Variants in FSTL4 observed in about 807,000 individuals in gnomAD.
The protein encoded by FSTL4 is follistatin like 4.
A neutral mutation model predicts 78.2 loss-of-function variants in FSTL4; 28 were observed. The observed-to-expected ratio is 0.36, with a 90% CI of 0.27 to 0.49. FSTL4 has a LOEUF of 0.49. Ranked by LOEUF, FSTL4 falls within the 20% of genes least tolerant of loss-of-function variation. The pLI is 0.98. For missense variants in FSTL4, 922 were observed against 1,084.9 expected (o/e 0.85, Z 2.11); for synonymous variants, 422 against 440.5 (o/e 0.96, Z 0.53).
At chr5:133,687,308 C>T in the FSTL4 span, among the ~76,000 whole-genome samples, 2 of 152,166 alleles carry the variant, frequency 1.3e-5, no homozygotes, top group Non-Finnish European at 2.9e-5. Flanking sequence ...GTGAGCCCAG[C>T]GGCAGGGAGG....
intron 3 of FSTL4, among the ~76,000 whole-genome samples, chr5:133,490,824 G>T (rs530625603): frequency 1.3e-5 from 2 of 152,330 alleles, no homozygotes; most frequent in South Asian, 4.1e-4. Context: ...CAAAGAATGT[G>T]TATTAGGTGT....
the FSTL4 span, among the ~76,000 whole-genome samples, chr5:133,747,669 A>C: frequency 2.0e-5 from 3 of 152,358 alleles, no homozygotes; most frequent in South Asian, 2.1e-4. Flanking sequence ...CAGCGATTAG[A>C]GAATGAATCT....
intron 6 of FSTL4, among the ~76,000 whole-genome samples, chr5:133,312,141 C>T (rs1269585981): frequency 6.6e-6 from 1 of 152,158 alleles, no homozygotes; most frequent in Non-Finnish European, 1.5e-5. Flanking sequence ...TCAAACAGCA[C>T]CCACTTTCCC....
the FSTL4 span, among the ~76,000 whole-genome samples, chr5:133,741,481 T>C: frequency 6.6e-6 from 1 of 152,168 alleles, no homozygotes; most frequent in Non-Finnish European, 1.5e-5. Flanking sequence ...GTGGGAAAAC[T>C]TTCTCGGCAG....
intron 11 of FSTL4, 146 bp from the exon 12 acceptor site, chr5:133,221,012 A>C: frequency 1.4e-6 from 1 of 731,002 alleles, no homozygotes; most frequent in South Asian, 1.4e-5. Flanking sequence ...GGTGGGGTAG[A>C]ATGAGCAGCC....
chr5:133,360,473 ATTTTTTTTTT>A (rs57176651), intron 4 of FSTL4, among the ~76,000 whole-genome samples: 3 of 130,992 alleles, frequency 2.3e-5, no homozygotes, highest in East Asian at 4.3e-4. Context: ...TCAGGCAATA[ATTTTTTTTTT>A]TTTTTTTTTT....
intron 6 of FSTL4, among the ~76,000 whole-genome samples, chr5:133,305,391 T>C (rs1454316181): frequency 6.6e-6 from 1 of 152,182 alleles, no homozygotes; most frequent in African/African-American, 2.4e-5. Flanking sequence ...TATTGCCTCC[T>C]CCCTCAGTCA....
At chr5:133,247,900 C>T (rs1752090753) in intron 7 of FSTL4, 2 of 150,652 alleles carry the variant, frequency 1.3e-5, no homozygotes. Flanking sequence ...CCCCATGACC[C>T]CCAGGGTGTA....
the FSTL4 span, among the ~76,000 whole-genome samples, chr5:133,696,725 G>A: frequency 9.2e-5 from 14 of 152,380 alleles, no homozygotes; most frequent in Non-Finnish European, 1.9e-4. Context: ...AAGAAGGGCT[G>A]TGGGGAAGGA....
intron 3 of FSTL4, among the ~76,000 whole-genome samples, chr5:133,561,115 A>AATG (rs1011586244): frequency 1.8e-4 from 27 of 147,268 alleles, no homozygotes; most frequent in Admixed American, 8.9e-4. Flanking sequence ...TAATAATAAT[A>AATG]ATAATAATAA....
chr5:133,710,855 T>A, the FSTL4 span, among the ~76,000 whole-genome samples: 1 of 152,222 alleles, frequency 6.6e-6, no homozygotes, highest in Non-Finnish European at 1.5e-5. Flanking sequence ...ACCAAATAAA[T>A]GTTCACACAA....
chr5:133,710,367 T>C, the FSTL4 span, among the ~76,000 whole-genome samples: 9 of 152,172 alleles, frequency 5.9e-5, no homozygotes, highest in African/African-American at 2.2e-4. Flanking sequence ...GTGAACCAAA[T>C]GTCCCATTTG....
chr5:133,809,005 A>G, the FSTL4 span, among the ~76,000 whole-genome samples: 1 of 152,024 alleles, frequency 6.6e-6, no homozygotes, highest in Non-Finnish European at 1.5e-5. Context: ...GTTCTTTTGG[A>G]CAGGTTGTGT....
intron 4 of FSTL4, among the ~76,000 whole-genome samples, chr5:133,321,315 C>T (rs1005172048): frequency 1.5e-4 from 23 of 152,216 alleles, no homozygotes; most frequent in African/African-American, 5.3e-4. Context: ...TAAGCTGGCA[C>T]CCCTTACCTT....
intron 3 of FSTL4, among the ~76,000 whole-genome samples, chr5:133,510,016 T>C (rs1211029235): frequency 6.6e-6 from 1 of 152,224 alleles, no homozygotes; most frequent in Non-Finnish European, 1.5e-5. Context: ...TTCATAATCA[T>C]AACCAATGAT....
intron 3 of FSTL4, among the ~76,000 whole-genome samples, chr5:133,536,364 T>C (rs1187683847): frequency 6.6e-6 from 1 of 152,214 alleles, no homozygotes; most frequent in Non-Finnish European, 1.5e-5. Context: ...CCTCCTCCCT[T>C]AACAGCATAT....
intron 4 of FSTL4, among the ~76,000 whole-genome samples, chr5:133,352,277 TATACACACATATATATAC>T (rs1225624370): frequency 0.02 from 2,719 of 135,314 alleles, 57 homozygotes; most frequent in Non-Finnish European, 0.027. Flanking sequence ...CACATATATA[TATACACACATATATATAC>T]ACACACATAT....
the FSTL4 span, among the ~76,000 whole-genome samples, chr5:133,669,633 A>G: frequency 1.3e-5 from 2 of 152,184 alleles, no homozygotes; most frequent in African/African-American, 4.8e-5. Flanking sequence ...TGGGACTAGC[A>G]AAGGATGCTG....
At chr5:133,404,809 C>A (rs972023243) in intron 3 of FSTL4, among the ~76,000 whole-genome samples, 1 of 152,186 alleles carries the variant, frequency 6.6e-6, no homozygotes, top group African/African-American at 2.4e-5. Context: ...GAAGCCCCTC[C>A]GTTGTTCTCC....
Sources: allele counts gnomAD v4.1 joint callset (sites outside exome capture counted in the v4.1 genomes callset), GRCh38; gene constraint gnomAD v4.1.1; transcripts MANE v1.5; gene names NCBI Gene and HGNC (gene_info 2026-07-23, HGNC 2026-07-21).